Variants in ARHGAP15 observed in about 807,000 individuals in gnomAD.
ARHGAP15 encodes Rho GTPase activating protein 15.
Under a neutral mutation model 63.7 loss-of-function variants are expected in ARHGAP15, and 51 were observed. The ratio of observed to expected loss-of-function variants is 0.80; its 90% CI spans 0.64 to 1.01. ARHGAP15 has a LOEUF of 1.01. ARHGAP15 is among the 50% of genes least tolerant of loss of function. The probability of loss-of-function intolerance (pLI) is 0.00; values close to 1 mark genes in which losing one functional copy is unlikely to be tolerated. For missense variants in ARHGAP15, 560 were observed against 564.6 expected (o/e 0.99, Z 0.08); for synonymous variants, 191 against 193.8 (o/e 0.99, Z 0.12).
At chr2:143,232,718 G>A (rs1693495327) in intron 5 of ARHGAP15, among the ~76,000 whole-genome samples, 2 of 151,954 alleles carry the variant, frequency 1.3e-5, no homozygotes, top group Admixed American at 6.6e-5. Flanking sequence ...CCAAGAACCT[G>A]CGTTTTAGTC....
intron 13 of ARHGAP15, among the ~76,000 whole-genome samples, chr2:143,723,699 T>C (rs972391785): frequency 1.8e-4 from 27 of 152,188 alleles, no homozygotes; most frequent in Non-Finnish European, 3.1e-4. Flanking sequence ...AAAACCATCC[T>C]TGCCCTCATG....
intron 12 of ARHGAP15, among the ~76,000 whole-genome samples, chr2:143,662,140 T>A (rs558368266): frequency 6.6e-6 from 1 of 152,164 alleles, no homozygotes; most frequent in Non-Finnish European, 1.5e-5. Flanking sequence ...CAAAAAGCAG[T>A]AACCTCTGCA....
intron 6 of ARHGAP15, among the ~76,000 whole-genome samples, chr2:143,400,538 G>C (rs1182068338): frequency 6.6e-6 from 1 of 151,896 alleles, no homozygotes; most frequent in Non-Finnish European, 1.5e-5. Flanking sequence ...AAATATGCAA[G>C]TGCCATGCAA....
At chr2:143,487,539 T>C in intron 9 of ARHGAP15, 44 bp downstream of exon 9, 1 of 1,581,358 alleles carries the variant, frequency 6.3e-7, no homozygotes, top group South Asian at 1.2e-5. Context: ...GATAAATGAA[T>C]GTGCCTCTGT....
Position 143,268,175 on chromosome 2 carries a change from G to GT in ARHGAP15, c.474+17589dup, listed in dbSNP as rs200736838. Among the ~76,000 whole-genome samples, 973 of 142,450 alleles carry GT rather than the reference G, an allele frequency of 6.8e-3. 4 individuals carry two copies. Among genetic ancestry groups the GT allele is most frequent in the African/African-American group, 0.011 (414 of 39,340 alleles). 93.5% of individuals were successfully genotyped at this position (142,450 alleles called of 152,430 possible). On this transcript the variant is annotated intron_variant, in intron 6 of 13. Transcript: ENST00000295095. ...TGGCAAACTAATTTTATAGAGTGTA[G>GT]TTTTTTTTTTTTTTCCACTTTGAAG...
intron 6 of ARHGAP15, among the ~76,000 whole-genome samples, chr2:143,291,676 T>C (rs1164818329): frequency 6.6e-6 from 1 of 152,126 alleles, no homozygotes; most frequent in Non-Finnish European, 1.5e-5. Context: ...TGTTAAAACC[T>C]GGTAAGACTA....
chr2:143,316,744 TCAAA>T (rs964983451), intron 6 of ARHGAP15, among the ~76,000 whole-genome samples: 29 of 151,872 alleles, frequency 1.9e-4, no homozygotes, highest in Non-Finnish European at 2.8e-4. Context: ...ACTATAAGTA[TCAAA>T]CAATCTAATG....
At chr2:143,458,614 G>A (rs1192242349) in intron 8 of ARHGAP15, among the ~76,000 whole-genome samples, 3 of 152,162 alleles carry the variant, frequency 2.0e-5, no homozygotes, top group Non-Finnish European at 2.9e-5. Context: ...GGGAACTTGA[G>A]AACTCTGGCT....
At chr2:143,477,485 A>G (rs1462931213) in intron 8 of ARHGAP15, among the ~76,000 whole-genome samples, 3 of 152,148 alleles carry the variant, frequency 2.0e-5, no homozygotes, top group South Asian at 2.1e-4. Context: ...TGTATTATAC[A>G]TTAGACATTG....
chr2:143,286,784 A>G lies in ARHGAP15; in HGVS notation c.474+36184A>G, dbSNP rs528081860. ...CATTCTAAGGAATGCATAATTAGGC[A>G]ATTTCTTCATTGTGTGAACATCATA... On this transcript the variant is annotated intron_variant, in intron 6 of 13. Coordinates refer to ENST00000295095, the MANE Select transcript of ARHGAP15 (RefSeq NM_018460.4). Among the ~76,000 whole-genome samples, 15 of 152,332 alleles carry G rather than the reference A, an allele frequency of 9.8e-5. 1 individual carries two copies. In the South Asian group the frequency reaches 1.9e-3, roughly 19 times the overall value.
At chr2:143,638,707 G>GAAAAAAAAAAATAAAAAAAAAAAAAAA (rs1680464428) in intron 12 of ARHGAP15, among the ~76,000 whole-genome samples, 1 of 120,888 alleles carries the variant, frequency 8.3e-6, no homozygotes, top group Non-Finnish European at 1.8e-5. Flanking sequence ...AAAAAACTCA[G>GAAAAAAAAAAATAAAAAAAAAAAAAAA]AGAAGAGACA....
intron 4 of ARHGAP15, among the ~76,000 whole-genome samples, chr2:143,218,374 T>C (rs1403857452): frequency 1.3e-5 from 2 of 151,326 alleles, no homozygotes; most frequent in Non-Finnish European, 2.9e-5. Context: ...CCTTGTGCTA[T>C]TATCATTCTG....
chr2:143,270,880 ATATT>A, intron 6 of ARHGAP15, among the ~76,000 whole-genome samples: 1 of 152,350 alleles, frequency 6.6e-6, no homozygotes, highest in East Asian at 1.9e-4. Context: ...TTAGAAAAAC[ATATT>A]TATCAGTCAT....
At chr2:143,456,999 G>A (rs994967928) in intron 8 of ARHGAP15, among the ~76,000 whole-genome samples, 16 of 152,012 alleles carry the variant, frequency 1.1e-4, no homozygotes, top group Non-Finnish European at 1.5e-4. Flanking sequence ...TTAACAGATG[G>A]TGAGTTAAAA....
chr2:143,253,283 TAGGAAAA>T (rs1241184612), intron 6 of ARHGAP15, among the ~76,000 whole-genome samples: 11 of 143,020 alleles, frequency 7.7e-5, no homozygotes, highest in Non-Finnish European at 1.3e-4. Flanking sequence ...TTAAAATGAA[TAGGAAAA>T]CAAACAAAAA....
intron 13 of ARHGAP15, among the ~76,000 whole-genome samples, chr2:143,743,619 C>T (rs965064877): frequency 2.0e-5 from 3 of 152,158 alleles, no homozygotes; most frequent in Admixed American, 1.3e-4. Flanking sequence ...CTAGGTTGTA[C>T]CTGGTCTGTC....
chr2:143,618,539 C>T (rs1574716455), intron 11 of ARHGAP15, among the ~76,000 whole-genome samples: 1 of 152,160 alleles, frequency 6.6e-6, no homozygotes, highest in South Asian at 2.1e-4. Context: ...GCTAGGGTGT[C>T]TTTTCCTCTT....
chr2:143,292,079 TAATAACA>T (rs1558870886), intron 6 of ARHGAP15, among the ~76,000 whole-genome samples: 1 of 150,156 alleles, frequency 6.7e-6, no homozygotes, highest in Non-Finnish European at 1.5e-5. Context: ...AAATTAATAT[TAATAACA>T]ATGAGTATAA....
chr2:143,143,205 G>A (rs1046103273), intron 1 of ARHGAP15, among the ~76,000 whole-genome samples: 4 of 152,008 alleles, frequency 2.6e-5, no homozygotes, highest in African/African-American at 7.2e-5. Flanking sequence ...TTTAAGTGGA[G>A]TATCTAGTCC....
Sources: gnomAD v4.1 joint callset for allele counts (sites outside exome capture counted in the v4.1 genomes callset) on GRCh38, gnomAD v4.1.1 for gene constraint, MANE v1.5 for transcripts, NCBI Gene and HGNC (gene_info 2026-07-23, HGNC 2026-07-21) for gene names.